The following ANO2 variants were observed in gnomAD, a reference collection of about 807,000 sequenced individuals.
ANO2 encodes the protein anoctamin-2.
In ANO2, 101 loss-of-function variants were observed where a neutral mutation model predicts 124.2. The ratio of observed to expected loss-of-function variants is 0.81; its 90% CI spans 0.69 to 0.96. The LOEUF (loss-of-function observed/expected upper bound fraction) is 0.96. Among genes scored for constraint, ANO2 ranks in the 40% least tolerant of loss-of-function variants. The pLI is 0.00. For synonymous variants in ANO2, 486 were observed against 482.5 expected (o/e 1.01, Z -0.09); for missense variants, 1,293 against 1,274.5 (o/e 1.01, Z -0.22).
intron 16 of ANO2, among the ~76,000 whole-genome samples, chr12:5,619,072 C>G (rs1359276266): frequency 6.6e-6 from 1 of 152,214 alleles, no homozygotes. Flanking sequence ...CACTGCACAA[C>G]TGCATGTGTA....
At chr12:5,850,098 C>T (rs1031231244) in intron 4 of ANO2, among the ~76,000 whole-genome samples, 1 of 152,180 alleles carries the variant, frequency 6.6e-6, no homozygotes, top group African/African-American at 2.4e-5. Context: ...AGCTCCACTA[C>T]AAGCCATTGC....
chr12:5,628,371 A>T (rs2136927922), intron 16 of ANO2, among the ~76,000 whole-genome samples: 1 of 152,316 alleles, frequency 6.6e-6, no homozygotes, highest in Non-Finnish European at 1.5e-5. Context: ...ATCTTCTGGA[A>T]CCTTTGTGGT....
intron 3 of ANO2, among the ~76,000 whole-genome samples, chr12:5,868,567 C>G (rs2137277421): frequency 6.6e-6 from 1 of 152,316 alleles, no homozygotes; most frequent in Middle Eastern, 3.4e-3. Context: ...CAGATGGTGT[C>G]TTCTGGCCAG....
rs1359034924 is a variant in ANO2, at chr12:5,805,905, C to A, written c.990+147G>T. On this transcript the variant is annotated intron_variant, in intron 9 of 24. Coordinates refer to ENST00000682330, the MANE Select transcript of ANO2 (RefSeq NM_001364791.2). ...CAACCACCCTCACATTTCCAAATACCTGGGTGGGGGAAAGGGGGGAGCTGG... is the reference window on the plus strand; with the variant it reads ...CAACCACCCTCACATTTCCAAATACATGGGTGGGGGAAAGGGGGGAGCTGG... 6.8e-6 allele frequency: 5 copies of A among 730,138 alleles called. No homozygotes were observed. The Admixed American group carries it at 1.6e-4, about 24-fold the overall frequency. 45.2% of individuals were successfully genotyped at this position (730,138 alleles called of 1,614,324 possible). A position where few individuals can be genotyped will look rare whatever the true frequency, so the allele number is the denominator to read the frequency against.
chr12:5,709,494 T>C (rs1949730966), intron 14 of ANO2, among the ~76,000 whole-genome samples: 1 of 152,172 alleles, frequency 6.6e-6, no homozygotes, highest in Admixed American at 6.5e-5. Context: ...AAACCTCATC[T>C]CTACTACAAT....
chr12:5,659,388 C>A (rs923235075), intron 14 of ANO2, among the ~76,000 whole-genome samples: 1 of 152,200 alleles, frequency 6.6e-6, no homozygotes, highest in South Asian at 2.1e-4. Context: ...CCCAAGCACA[C>A]CCAGCCTCTC....
At chr12:5,772,982 GCAACAA>G (rs1952128028) in intron 10 of ANO2, among the ~76,000 whole-genome samples, 5 of 152,256 alleles carry the variant, frequency 3.3e-5, no homozygotes, top group Non-Finnish European at 5.9e-5. Flanking sequence ...TCTGTGGACT[GCAACAA>G]CCAGGCTCCC....
chr12:5,835,589 G>T (rs145899474), intron 4 of ANO2, among the ~76,000 whole-genome samples: 1 of 152,210 alleles, frequency 6.6e-6, no homozygotes, highest in African/African-American at 2.4e-5. Context: ...AGAGAGTTAA[G>T]TATCTCAGCC....
intron 14 of ANO2, among the ~76,000 whole-genome samples, chr12:5,661,801 A>C (rs529570818): frequency 5.9e-5 from 9 of 152,200 alleles, no homozygotes; most frequent in Non-Finnish European, 1.3e-4. Flanking sequence ...TTCACGGGCA[A>C]TGCTGGGAAA....
intron 19 of ANO2, among the ~76,000 whole-genome samples, chr12:5,601,925 A>T (rs1009656445): frequency 6.6e-6 from 1 of 152,212 alleles, no homozygotes; most frequent in African/African-American, 2.4e-5. Flanking sequence ...AAGCCAACTC[A>T]TGCTGTAAAT....
chr12:5,697,844 A>G (rs1949249176), intron 14 of ANO2, among the ~76,000 whole-genome samples: 1 of 152,154 alleles, frequency 6.6e-6, no homozygotes, highest in South Asian at 2.1e-4. Context: ...ACGCCCATGG[A>G]GCCTCGCTCA....
chr12:5,570,420 A>G (rs941630956), intron 23 of ANO2, among the ~76,000 whole-genome samples: 1 of 152,086 alleles, frequency 6.6e-6, no homozygotes, highest in African/African-American at 2.4e-5. Context: ...ATTTTTGTAG[A>G]ACTAGATTAA....
chr12:5,654,864 T>A (rs1323361244), intron 14 of ANO2, among the ~76,000 whole-genome samples: 1 of 152,174 alleles, frequency 6.6e-6, no homozygotes, highest in Non-Finnish European at 1.5e-5. Flanking sequence ...CAGAGCCACA[T>A]AACAGTGCCT....
upstream of ANO2, among the ~76,000 whole-genome samples, chr12:5,945,893 C>G (rs1336969711): frequency 2.0e-5 from 3 of 152,154 alleles, no homozygotes; most frequent in Non-Finnish European, 4.4e-5. Flanking sequence ...TCCCATGAGA[C>G]GCTAGGAGGG....
chr12:5,929,721 TTC>T (rs1425469390), intron 1 of ANO2, among the ~76,000 whole-genome samples: 3 of 151,002 alleles, frequency 2.0e-5, no homozygotes, highest in Admixed American at 2.0e-4. Flanking sequence ...CTCGTCTGCC[TTC>T]TTTCCTTATT....
chr12:5,830,783 T>C (rs1041586525), intron 5 of ANO2, among the ~76,000 whole-genome samples: 2 of 152,214 alleles, frequency 1.3e-5, no homozygotes, highest in African/African-American at 4.8e-5. Context: ...CCCAAATCTA[T>C]AGGATAGGGT....
intron 19 of ANO2, among the ~76,000 whole-genome samples, chr12:5,610,564 A>C (rs193055119): frequency 0.17 from 23,548 of 140,352 alleles, 2,233 homozygotes; most frequent in Non-Finnish European, 0.22. Context: ...AAATATATAT[A>C]AAACAAATAT....
intron 7 of ANO2, among the ~76,000 whole-genome samples, chr12:5,819,128 T>C (rs375958572): frequency 1.3e-5 from 2 of 152,132 alleles, no homozygotes; most frequent in East Asian, 3.9e-4. Context: ...AAGAATGAGA[T>C]GCAACAGTGA....
intron 14 of ANO2, among the ~76,000 whole-genome samples, chr12:5,718,591 C>A (rs191030684): frequency 1.3e-5 from 2 of 152,268 alleles, no homozygotes; most frequent in East Asian, 3.9e-4. Context: ...AAAATTAGTG[C>A]CAATCATTTT....
Sources: gnomAD v4.1 joint callset for allele counts (sites outside exome capture counted in the v4.1 genomes callset) on GRCh38, gnomAD v4.1.1 for gene constraint, MANE v1.5 for transcripts, NCBI Gene and HGNC (gene_info 2026-07-23, HGNC 2026-07-21) for gene names.